Variants in RCOR3 observed in about 807,000 individuals in gnomAD.
The protein encoded by RCOR3 is REST corepressor 3.
In RCOR3, 13 loss-of-function variants were observed where a neutral mutation model predicts 64.1. The ratio of observed to expected loss-of-function variants is 0.20; its 90% CI spans 0.13 to 0.32. RCOR3 has a LOEUF of 0.32. Among genes scored for constraint, RCOR3 ranks in the 10% least tolerant of loss-of-function variants. The pLI, the probability that RCOR3 is intolerant of heterozygous loss-of-function variation, is 1.00. For missense variants in RCOR3, 489 were observed against 701.2 expected, an observed-to-expected ratio of 0.70 and a Z score of 3.42; for synonymous variants, 215 against 239.0, an observed-to-expected ratio of 0.90 and a Z score of 0.93.
intron 2 of RCOR3, chr1:211,268,008 A>G: frequency 3.5e-6 from 1 of 284,292 alleles, no homozygotes; most frequent in Admixed American, 5.3e-5. Flanking sequence ...AATGAGATGC[A>G]GGGAAATTAT....
intron 7 of RCOR3, among the ~76,000 whole-genome samples, chr1:211,284,223 G>GT (rs1220386745): frequency 6.6e-6 from 1 of 151,056 alleles, no homozygotes. Context: ...CTGGCTAATT[G>GT]TTTTTTTGTT....
At chr1:211,310,616 A>G (rs1263599942) in intron 10 of RCOR3, among the ~76,000 whole-genome samples, 1 of 152,240 alleles carries the variant, frequency 6.6e-6, no homozygotes. Context: ...TACAAATGTA[A>G]CAATATTGAT....
intron 9 of RCOR3, chr1:211,302,655 AACC>A: frequency 6.6e-6 from 1 of 152,224 alleles, no homozygotes; most frequent in Non-Finnish European, 1.5e-5. Flanking sequence ...AACTGCAATC[AACC>A]TTTTATTTTC....
chr1:211,259,759 C>T (rs1373258071), intron 1 of RCOR3, 33 bp downstream of exon 1: 18 of 1,428,542 alleles, frequency 1.3e-5, no homozygotes, highest in Non-Finnish European at 1.5e-5. Flanking sequence ...CGCCAGCCCG[C>T]CTGCCCCCCT....
At position 211,313,949 on chromosome 1, in the gene RCOR3, G is replaced by A. The variant is rs1349114325; in HGVS notation, c.*181G>A. ...ATTTTTCAGTTCACTAGACTAAAATGTTTTACAACAAAAAGCCTCCAGTTA... is the reference window on the plus strand; with the variant it reads ...ATTTTTCAGTTCACTAGACTAAAATATTTTACAACAAAAAGCCTCCAGTTA... On this transcript the variant is annotated 3_prime_UTR_variant, in exon 12 of 12. Transcript: ENST00000419091. The surrounding 1 kb of genome is among the most constrained non-coding windows in gnomAD (Gnocchi z 4.7). The A allele has an allele frequency of 8.1e-6, 5 of 613,790 alleles. No homozygotes were observed. In the Admixed American group the frequency reaches 9.2e-5, roughly 11 times the overall value. 38.0% of individuals were successfully genotyped at this position (613,790 alleles called of 1,614,324 possible). A position where few individuals can be genotyped will look rare whatever the true frequency, so the allele number is the denominator to read the frequency against.
chr1:211,310,233 C>G lies in RCOR3; in HGVS notation c.1076-2487C>G, dbSNP rs533237332. On this transcript the variant is annotated intron_variant, in intron 10 of 11. Transcript: ENST00000419091. ...ATTTGTCACAACACACTAGGGCAAG[C>G]AGATGAAGCTGCTCTTGTCCAAATG... 2.0e-5 allele frequency among the ~76,000 whole-genome samples: 3 copies of G among 152,260 alleles called. No homozygotes were observed. In the South Asian group the frequency reaches 6.2e-4, roughly 32 times the overall value.
chr1:211,295,573 A>AAATTT, intron 8 of RCOR3, 103 bp from the exon 9 acceptor site: 1 of 930,028 alleles, frequency 1.1e-6, no homozygotes, highest in Non-Finnish European at 1.7e-6. Flanking sequence ...TCCTAAAATA[A>AAATTT]AATTTAAGAG....
At chr1:211,297,426 C>T (rs1231543891) in intron 9 of RCOR3, among the ~76,000 whole-genome samples, 1 of 152,092 alleles carries the variant, frequency 6.6e-6, no homozygotes, top group South Asian at 2.1e-4. Flanking sequence ...CTGGCTATAG[C>T]TCATCTTTTC....
chr1:211,296,898 GTC>G (rs2102612385), intron 9 of RCOR3, among the ~76,000 whole-genome samples: 1 of 152,116 alleles, frequency 6.6e-6, no homozygotes, highest in South Asian at 2.1e-4. Flanking sequence ...AATTTTAACT[GTC>G]TATAATTTTG....
intron 5 of RCOR3, 80 bp from the exon 6 acceptor site, chr1:211,278,037 C>T: frequency 7.8e-7 from 1 of 1,289,246 alleles, no homozygotes; most frequent in Non-Finnish European, 1.1e-6. Flanking sequence ...TATGCCTTTA[C>T]TAAATAGTAA....
chr1:211,306,056 C>A (rs1220256412), intron 10 of RCOR3, among the ~76,000 whole-genome samples: 9 of 151,816 alleles, frequency 5.9e-5, no homozygotes, highest in Non-Finnish European at 1.3e-4. Flanking sequence ...TTTATTTATT[C>A]TTTGGATTTT....
intron 8 of RCOR3, among the ~76,000 whole-genome samples, chr1:211,295,173 C>G (rs1430849674): frequency 1.3e-5 from 2 of 150,196 alleles, no homozygotes; most frequent in Non-Finnish European, 3.0e-5. Context: ...AGTTCAGTGA[C>G]TTTTAATGTA....
Position 211,313,607 on chromosome 1 carries a change from C to T in RCOR3, c.1501C>T (p.Gln501Ter), listed in dbSNP as rs1701702660. ...PPLQQQARFI[Q>*]PRPTLNQPPP... ...ACTCCAGCAGCAGGCTCGGTTCATC[C>T]AGCCCCGGCCAACTTTAAATCAGCC... The change falls in exon 12 of 12, where the codon CAG becomes TAG. Residue 501 changes from glutamine to a stop codon, truncating the protein, a stop_gained. Coordinates refer to ENST00000419091, the MANE Select transcript of RCOR3 (RefSeq NM_001136223.3). LOFTEE classifies it high-confidence loss of function. The surrounding 1 kb of genome is among the most constrained non-coding windows in gnomAD (Gnocchi z 4.7). 6.2e-7 allele frequency: 1 copy of T among 1,614,044 alleles called. No individual in the cohort carries two copies. Among genetic ancestry groups the T allele is most frequent in the Admixed American group, 1.7e-5 (1 of 59,998 alleles).
At chr1:211,291,778 A>G (rs981461149) in intron 8 of RCOR3, among the ~76,000 whole-genome samples, 6 of 152,076 alleles carry the variant, frequency 3.9e-5, no homozygotes, top group African/African-American at 1.4e-4. Context: ...TTTCTAATCT[A>G]GCTTCTGCCC....
At chr1:211,306,527 C>G (rs961291212) in intron 10 of RCOR3, among the ~76,000 whole-genome samples, 1 of 152,048 alleles carries the variant, frequency 6.6e-6, no homozygotes, top group African/African-American at 2.4e-5. Context: ...TTTATTTTAT[C>G]TGGCTCATAG....
chr1:211,307,625 CA>C (rs879454495), intron 10 of RCOR3, among the ~76,000 whole-genome samples: 24 of 151,788 alleles, frequency 1.6e-4, no homozygotes, highest in Non-Finnish European at 3.1e-4. Context: ...AATTATAGTA[CA>C]AAACACCTTT....
chr1:211,302,840 A>C (rs1700514418), intron 9 of RCOR3: 2 of 152,130 alleles, frequency 1.3e-5, no homozygotes, highest in East Asian at 3.8e-4. Context: ...CTCAATTAAC[A>C]ATATATATCC....
In RCOR3 at chr1:211,259,388, A is replaced by G. The variant is rs1432362638; in HGVS notation, c.-173A>G. On this transcript the variant is annotated 5_prime_UTR_variant, in exon 1 of 12. Coordinates refer to ENST00000419091, the MANE Select transcript of RCOR3 (RefSeq NM_001136223.3). Reference sequence around the variant, plus strand: ...CGGGTTGTTGTGAGGCGACTGCGCTACTGCCGGAGCGGGGCGGTTATGGCG... The same window carrying G: ...CGGGTTGTTGTGAGGCGACTGCGCTGCTGCCGGAGCGGGGCGGTTATGGCG... The G allele has an allele frequency of 1.0e-5, 6 of 581,368 alleles. No homozygotes were observed. Among genetic ancestry groups the G allele is most frequent in the Admixed American group, 3.5e-5 (1 of 28,530 alleles). 36.0% of individuals were successfully genotyped at this position (581,368 alleles called of 1,614,324 possible).
At chr1:211,294,649 GCGCGATCT>G in intron 8 of RCOR3, among the ~76,000 whole-genome samples, 2 of 146,962 alleles carry the variant, frequency 1.4e-5, no homozygotes, top group Middle Eastern at 7.2e-3. Flanking sequence ...GAGTGCAGCG[GCGCGATCT>G]CAGCTCACTG....
Sources: allele counts gnomAD v4.1 joint callset (sites outside exome capture counted in the v4.1 genomes callset), GRCh38; gene constraint gnomAD v4.1.1; non-coding constraint Gnocchi (gnomAD v3.1); transcripts MANE v1.5; gene names NCBI Gene and HGNC (gene_info 2026-07-23, HGNC 2026-07-21).